The following DLGAP5 variants were observed in gnomAD, a reference collection of about 807,000 sequenced individuals.
The protein encoded by DLGAP5 is DLG associated protein 5.
Under a neutral mutation model 99.6 loss-of-function variants are expected in DLGAP5, and 90 were observed. The ratio of observed to expected loss-of-function variants is 0.90; its 90% CI spans 0.76 to 1.08. The LOEUF is 1.08. DLGAP5 is among the 50% of genes least tolerant of loss of function. The pLI is 0.00. For synonymous variants in DLGAP5, 311 were observed against 321.3 expected (o/e 0.97, Z 0.34); for missense variants, 1,036 against 983.5 (o/e 1.05, Z -0.71).
At position 55,148,190 on chromosome 14, in the gene DLGAP5, G is replaced by C; in HGVS notation, c.*161C>G. 1 of 710,918 alleles carries C rather than the reference G, an allele frequency of 1.4e-6. No individual in the cohort carries two copies. Among genetic ancestry groups the C allele is most frequent in the Non-Finnish European group, 2.2e-6 (1 of 453,178 alleles). The allele number at this position is 710,918 out of a possible 1,614,324, so 44.0% of individuals were successfully genotyped here. On this transcript the variant is annotated 3_prime_UTR_variant, in exon 19 of 19. Transcript: ENST00000247191. The stretch of plus-strand genomic sequence containing the variant: ...TGTACAAAATATCCCCACTTCCCTT[G>C]AGAAAGAGTATATCTAAAATACACT...
intron 12 of DLGAP5, among the ~76,000 whole-genome samples, chr14:55,164,249 T>C (rs147172604): frequency 3.3e-5 from 5 of 152,082 alleles, no homozygotes; most frequent in Non-Finnish European, 5.9e-5. Flanking sequence ...GGCAGGGGGA[T>C]TGCTTGAACC....
chr14:55,172,937 G>A (rs1387044741), intron 10 of DLGAP5, among the ~76,000 whole-genome samples: 12 of 139,442 alleles, frequency 8.6e-5, no homozygotes, highest in Non-Finnish European at 1.7e-4. Context: ...AGCCAAGATC[G>A]CGCCATTGCA....
chr14:55,191,330 G>A (rs1036537757), intron 1 of DLGAP5, 133 bp downstream of exon 1: 1 of 152,696 alleles, frequency 6.5e-6, no homozygotes, highest in Non-Finnish European at 1.5e-5. Flanking sequence ...GCTTCGGGAA[G>A]GGCAGGTAAC....
intron 11 of DLGAP5, 93 bp from the exon 12 acceptor site, chr14:55,169,652 T>G: frequency 8.8e-7 from 1 of 1,140,424 alleles, no homozygotes; most frequent in South Asian, 1.8e-5. Context: ...CCAAACATCC[T>G]AGGGCCTACA....
chr14:55,150,161 A>T (rs1324230694), intron 18 of DLGAP5, among the ~76,000 whole-genome samples: 1 of 152,216 alleles, frequency 6.6e-6, no homozygotes, highest in African/African-American at 2.4e-5. Flanking sequence ...TATCAAAGGT[A>T]TGAATCAGAC....
chr14:55,153,008 C>G (rs2140303987), intron 15 of DLGAP5, among the ~76,000 whole-genome samples: 1 of 152,296 alleles, frequency 6.6e-6, no homozygotes, highest in South Asian at 2.1e-4. Flanking sequence ...CAATTATTGT[C>G]TAGCTGGAGT....
chr14:55,177,969 A>G (rs940834102), intron 7 of DLGAP5, among the ~76,000 whole-genome samples: 1 of 151,768 alleles, frequency 6.6e-6, no homozygotes, highest in African/African-American at 2.4e-5. Flanking sequence ...GTTGATAATT[A>G]CGGCCAGGCA....
chr14:55,190,865 T>C (rs1883592663), intron 1 of DLGAP5, among the ~76,000 whole-genome samples: 1 of 152,204 alleles, frequency 6.6e-6, no homozygotes, highest in African/African-American at 2.4e-5. Flanking sequence ...AAGACTTATG[T>C]ATTAAATACA....
At chr14:55,180,475 T>A (rs1215096820) in intron 6 of DLGAP5, among the ~76,000 whole-genome samples, 181 bp downstream of exon 6, 1 of 152,252 alleles carries the variant, frequency 6.6e-6, no homozygotes, top group Non-Finnish European at 1.5e-5. Flanking sequence ...AGGTCTTCAA[T>A]GATTGGGCAC....
chr14:55,175,128 A>T (rs1450635224), intron 10 of DLGAP5, among the ~76,000 whole-genome samples: 1 of 152,262 alleles, frequency 6.6e-6, no homozygotes. Flanking sequence ...GTTGGGTCAC[A>T]GTGCTGAGAA....
intron 18 of DLGAP5, among the ~76,000 whole-genome samples, chr14:55,149,983 G>A (rs1393179266): frequency 6.6e-6 from 1 of 151,518 alleles, no homozygotes; most frequent in Admixed American, 6.6e-5. Flanking sequence ...AACCCAGGAG[G>A]CAGAGGTTAC....
rs10146432 is a variant in DLGAP5 at position 55,150,966 on chromosome 14, T to C, written c.2369-118A>G. ...CACATATCAAATGCTAAGACAAAAA[T>C]ATAGACCCCTATGCTATAATGTTTT... On this transcript the variant is annotated intron_variant, in intron 17 of 18. Transcript: ENST00000247191. 5,133 of 621,628 alleles carry C rather than the reference T, an allele frequency of 8.3e-3. 202 individuals are homozygous for C. In the African/African-American group the frequency reaches 0.091, roughly 11 times the overall value. 38.5% of individuals were successfully genotyped at this position (621,628 alleles called of 1,614,324 possible).
At chr14:55,174,486 G>T (rs936886797) in intron 10 of DLGAP5, among the ~76,000 whole-genome samples, 1 of 152,098 alleles carries the variant, frequency 6.6e-6, no homozygotes, top group African/African-American at 2.4e-5. Flanking sequence ...CTCCCCTTTT[G>T]AAAATCCCTA....
chr14:55,186,196 G>A (rs964957676), intron 2 of DLGAP5, among the ~76,000 whole-genome samples: 12 of 152,130 alleles, frequency 7.9e-5, no homozygotes, highest in African/African-American at 2.4e-4. Flanking sequence ...ACTTGAACCC[G>A]GGAGGCAGAG....
Position 55,185,302 on chromosome 14 carries a change from C to T in DLGAP5, c.239-1549G>A, listed in dbSNP as rs187335511. On this transcript the variant is annotated intron_variant, in intron 2 of 18. Transcript: ENST00000247191. ...GCATCCTCGGCCTCCCGGGTTCAAG[C>T]GATTCTACTGCCTCAGCCTCCCGAG... 8.6e-4 allele frequency among the ~76,000 whole-genome samples: 131 copies of T among 152,316 alleles called. No individual in the cohort carries two copies. In the Middle Eastern group the frequency reaches 0.014, roughly 16 times the overall value.
At chr14:55,189,553 G>A (rs937929822) in intron 1 of DLGAP5, among the ~76,000 whole-genome samples, 6 of 151,900 alleles carry the variant, frequency 3.9e-5, no homozygotes, top group Admixed American at 3.9e-4. Context: ...AGGAATGCAG[G>A]TAGTCTAACA....
At chr14:55,168,553 T>C (rs1461521933) in intron 12 of DLGAP5, among the ~76,000 whole-genome samples, 1 of 148,912 alleles carries the variant, frequency 6.7e-6, no homozygotes, top group African/African-American at 2.6e-5. Flanking sequence ...CTAAAATAAG[T>C]TCAAAACGCT....
intron 2 of DLGAP5, 106 bp downstream of exon 2, chr14:55,188,836 T>G: frequency 1.4e-6 from 1 of 715,594 alleles, no homozygotes; most frequent in Non-Finnish European, 2.3e-6. Context: ...ATTTATAGAA[T>G]GGTATTTCAA....
chr14:55,179,958 A>G (rs1213713478), intron 6 of DLGAP5, among the ~76,000 whole-genome samples: 1 of 152,080 alleles, frequency 6.6e-6, no homozygotes, highest in Non-Finnish European at 1.5e-5. Context: ...TTGGGACCAG[A>G]GATATTTTAG....
Sources: allele counts gnomAD v4.1 joint callset (sites outside exome capture counted in the v4.1 genomes callset), GRCh38; gene constraint gnomAD v4.1.1; transcripts MANE v1.5; gene names NCBI Gene and HGNC (gene_info 2026-07-23, HGNC 2026-07-21).